The following MECOM variants were observed in gnomAD, a reference collection of about 807,000 sequenced individuals.
The protein encoded by MECOM is histone-lysine N-methyltransferase MECOM.
Under a neutral mutation model 116.3 loss-of-function variants are expected in MECOM, and 13 were observed. That is an observed-to-expected ratio of 0.11 (90% CI 0.07 to 0.18). The LOEUF (loss-of-function observed/expected upper bound fraction) is 0.18, where lower values mean the gene tolerates loss of function less well. Ranked by LOEUF, MECOM falls within the 10% of genes least tolerant of loss-of-function variation. The pLI, the probability that MECOM is intolerant of heterozygous loss-of-function variation, is 1.00. For synonymous variants in MECOM, 528 were observed against 535.2 expected (o/e 0.99, Z 0.19); for missense variants, 1,299 against 1,509.0 (o/e 0.86, Z 2.31).
intron 2 of MECOM, among the ~76,000 whole-genome samples, chr3:169,378,410 A>AAAGG (rs2108247504): frequency 1.7e-5 from 1 of 58,164 alleles, no homozygotes; most frequent in African/African-American, 1.4e-4. Context: ...AGAAAGAAAG[A>AAAGG]AAGAAAGAAA....
chr3:169,090,167 A>G lies in MECOM; in HGVS notation c.3234T>C (p.Asp1078=), dbSNP rs1472979880. The G allele has an allele frequency of 6.2e-7, 1 of 1,613,264 alleles. No individual in the cohort carries two copies. The highest frequency in any genetic ancestry group is 2.2e-5 in the East Asian group (1 of 44,878). Residue 1078 remains aspartate (D), a synonymous_variant, in exon 15 of 17, where the codon GAT becomes GAC. Coordinates refer to ENST00000651503, the MANE Select transcript of MECOM (RefSeq NM_004991.4). ...ACAACACCTCATCTTCAACTTCTTC[A>G]TCATCCAGCAAGTCTGAATTTTGAC... is the stretch of plus-strand genomic sequence containing the variant. ...VTSQNSDLLD[D]EEVEDEVLLD...
At chr3:169,436,237 C>T (rs1235454939) in intron 1 of MECOM, among the ~76,000 whole-genome samples, 1 of 141,234 alleles carries the variant, frequency 7.1e-6, no homozygotes, top group Non-Finnish European at 1.5e-5. Context: ...GAAATTCTGG[C>T]TAAATCGCTT....
intron 1 of MECOM, among the ~76,000 whole-genome samples, chr3:169,452,902 C>G (rs1403801478): frequency 6.6e-6 from 1 of 152,166 alleles, no homozygotes; most frequent in Non-Finnish European, 1.5e-5. Context: ...ATGGCAGCTA[C>G]ATATTTTTCC....
intron 1 of MECOM, among the ~76,000 whole-genome samples, chr3:169,558,893 A>T (rs74451340): frequency 0.22 from 33,531 of 152,024 alleles, 4,706 homozygotes; most frequent in East Asian, 0.7. Flanking sequence ...AACCCCAGAC[A>T]TCTAGAAAAA....
intron 2 of MECOM, among the ~76,000 whole-genome samples, chr3:169,301,373 T>C (rs1173643092): frequency 6.6e-6 from 1 of 152,216 alleles, no homozygotes; most frequent in Non-Finnish European, 1.5e-5. Flanking sequence ...CAATCCACTC[T>C]AGGGAAAGTT....
chr3:169,261,980 A>G (rs946803582), intron 2 of MECOM, among the ~76,000 whole-genome samples: 1 of 152,212 alleles, frequency 6.6e-6, no homozygotes, highest in Non-Finnish European at 1.5e-5. Flanking sequence ...TGCAGGAAAA[A>G]GAAAGTGGGA....
intron 1 of MECOM, among the ~76,000 whole-genome samples, chr3:169,599,277 A>ATGCT (rs1767533132): frequency 6.6e-6 from 1 of 152,152 alleles, no homozygotes; most frequent in Non-Finnish European, 1.5e-5. Context: ...GCACTTTGGA[A>ATGCT]GGCCGAGGCG....
intron 2 of MECOM, chr3:169,147,357 A>T (rs1740220925): frequency 1.0e-6 from 1 of 985,472 alleles, no homozygotes; most frequent in Non-Finnish European, 1.2e-6. Context: ...CTCCAAGCTC[A>T]GCCGCCGGGT....
intron 3 of MECOM, among the ~76,000 whole-genome samples, chr3:169,142,925 A>G (rs1402444180): frequency 6.6e-6 from 1 of 152,022 alleles, no homozygotes; most frequent in African/African-American, 2.4e-5. Context: ...TGATTATAAC[A>G]TAATTAAATT....
Position 169,116,011 on chromosome 3 carries a change from C to T in MECOM, c.1861G>A (p.Asp621Asn). The T allele has an allele frequency of 1.2e-6, 2 of 1,614,112 alleles. No homozygotes were observed. Among genetic ancestry groups the T allele is most frequent in the Non-Finnish European group, 1.7e-6 (2 of 1,180,004 alleles). ...AGATTCTGAAGAGGGCTTACTTTGT[C>T]TTTGAACATTTTACCATTTTCTTTA... Reference protein sequence around the residue: ...KFKENGKMFKDKVSPLQNLAS... With the variant: ...KFKENGKMFKNKVSPLQNLAS... Residue 621 changes from aspartate (D) to asparagine (N), a missense_variant, in exon 8 of 17, where the codon GAC (aspartate) becomes AAC (asparagine). Asp to Asn is a conservative substitution (Grantham distance 23). Around this residue, in one of 6 missense-constraint regions of MECOM, gnomAD observed 238 missense variants for 273.1 expected, o/e 0.87. Transcript: ENST00000651503.
intron 1 of MECOM, among the ~76,000 whole-genome samples, chr3:169,503,006 A>G (rs1754720397): frequency 6.6e-6 from 1 of 152,216 alleles, no homozygotes; most frequent in South Asian, 2.1e-4. Context: ...ACTAACAACA[A>G]TAATGGCAAC....
intron 1 of MECOM, among the ~76,000 whole-genome samples, chr3:169,460,387 T>C (rs552438488): frequency 6.6e-6 from 1 of 152,128 alleles, no homozygotes; most frequent in African/African-American, 2.4e-5. Context: ...AACAGACCTA[T>C]TTTTTGTCTA....
chr3:169,131,639 C>A, intron 3 of MECOM, 108 bp from the exon 4 acceptor site: 1 of 802,476 alleles, frequency 1.2e-6, no homozygotes, highest in East Asian at 2.9e-5. Context: ...CCTTAACAAA[C>A]ATCTTTTTCT....
At chr3:169,324,671 C>G (rs1252148580) in intron 2 of MECOM, among the ~76,000 whole-genome samples, 1 of 152,222 alleles carries the variant, frequency 6.6e-6, no homozygotes, top group Non-Finnish European at 1.5e-5. Context: ...GGTTCACTGT[C>G]TTCCGTGTCA....
intron 1 of MECOM, among the ~76,000 whole-genome samples, chr3:169,566,784 C>T (rs141495074): frequency 6.6e-6 from 1 of 152,188 alleles, no homozygotes; most frequent in Non-Finnish European, 1.5e-5. Context: ...CTCCTGCTTT[C>T]CCTCGTCTGC....
chr3:169,305,411 G>C (rs899235382), intron 2 of MECOM, among the ~76,000 whole-genome samples: 2 of 152,026 alleles, frequency 1.3e-5, no homozygotes, highest in Non-Finnish European at 2.9e-5. Context: ...CTAATTGTGG[G>C]GGCTGGAAAA....
At chr3:169,184,887 A>G (rs1441156720) in intron 2 of MECOM, among the ~76,000 whole-genome samples, 2 of 152,238 alleles carry the variant, frequency 1.3e-5, no homozygotes, top group East Asian at 3.8e-4. Context: ...TGAATTAAGC[A>G]GAATCAAGAA....
rs536119796 is a variant in MECOM, at chr3:169,120,760, T to G, written c.1132+296A>C. The G allele has an allele frequency of 1.7e-3, 367 of 220,410 alleles. 1 individual carries two copies. The highest frequency in any genetic ancestry group is 2.7e-3 in the Non-Finnish European group (301 of 112,444). The allele number at this position is 220,410 out of a possible 1,614,324, so 13.7% of individuals were successfully genotyped here. A position where few individuals can be genotyped will look rare whatever the true frequency, so the allele number is the denominator to read the frequency against. On this transcript the variant is annotated intron_variant, in intron 7 of 16. Coordinates refer to ENST00000651503, the MANE Select transcript of MECOM (RefSeq NM_004991.4). ...ATTTACAATATGAGACAAATCTGAT[T>G]GTCCTGATTAAATCCTACAACCTGT...
intron 1 of MECOM, among the ~76,000 whole-genome samples, chr3:169,563,379 C>A (rs1762876010): frequency 6.6e-6 from 1 of 152,192 alleles, no homozygotes; most frequent in Non-Finnish European, 1.5e-5. Flanking sequence ...CAGGTTTATT[C>A]ATTGAAACTT....
Sources: gnomAD v4.1 joint callset for allele counts (sites outside exome capture counted in the v4.1 genomes callset) on GRCh38, gnomAD v4.1.1 for gene constraint, gnomAD v4.1.1 regional missense constraint, MANE v1.5 for transcripts, NCBI Gene and HGNC (gene_info 2026-07-23, HGNC 2026-07-21) for gene names.